Variants in SNTG1 observed in about 807,000 individuals in gnomAD.
SNTG1 encodes the protein syntrophin gamma 1.
Under a neutral mutation model 74.7 loss-of-function variants are expected in SNTG1, and 39 were observed. The ratio of observed to expected loss-of-function variants is 0.52; its 90% confidence interval spans 0.40 to 0.68. The LOEUF is 0.68. SNTG1 is among the 30% of genes least tolerant of loss of function. The pLI is 0.00. For synonymous variants in SNTG1, 254 were observed against 217.1 expected, an observed-to-expected ratio of 1.17 and a Z score of -1.49; for missense variants, 685 against 609.5, an observed-to-expected ratio of 1.12 and a Z score of -1.30.
At chr8:50,295,120 A>C (rs1192785003) in intron 2 of SNTG1, among the ~76,000 whole-genome samples, 1 of 152,230 alleles carries the variant, frequency 6.6e-6, no homozygotes, top group Non-Finnish European at 1.5e-5. Context: ...CCTCCAAGAC[A>C]TTTTGCAAAT....
chr8:50,333,489 T>C (rs1225015078), intron 2 of SNTG1, among the ~76,000 whole-genome samples: 1 of 152,262 alleles, frequency 6.6e-6, no homozygotes, highest in Admixed American at 6.5e-5. Context: ...ATGTTTATAA[T>C]ACTTCAGCTT....
intron 4 of SNTG1, among the ~76,000 whole-genome samples, chr8:50,419,658 C>CT (rs1300883100): frequency 6.6e-6 from 1 of 152,106 alleles, no homozygotes; most frequent in Non-Finnish European, 1.5e-5. Flanking sequence ...TCCCACCTAT[C>CT]ACCAGCAGAA....
At chr8:50,756,112 A>T (rs2095579751) in intron 18 of SNTG1, among the ~76,000 whole-genome samples, 1 of 143,014 alleles carries the variant, frequency 7.0e-6, no homozygotes, top group South Asian at 2.4e-4. Flanking sequence ...TTGTTTTGAT[A>T]TCATTGAGTT....
At chr8:50,260,134 C>G (rs556025466) in intron 2 of SNTG1, among the ~76,000 whole-genome samples, 1 of 152,200 alleles carries the variant, frequency 6.6e-6, no homozygotes, top group African/African-American at 2.4e-5. Flanking sequence ...CCCTCAAAAC[C>G]AAATAGTTTA....
chr8:50,430,700 AC>A (rs1194862576), intron 4 of SNTG1, among the ~76,000 whole-genome samples: 3 of 152,184 alleles, frequency 2.0e-5, no homozygotes, highest in Non-Finnish European at 4.4e-5. Context: ...CTGCACTGTT[AC>A]TCCTCAGATC....
At chr8:50,615,176 G>T (rs1010299439) in intron 13 of SNTG1, among the ~76,000 whole-genome samples, 2 of 151,952 alleles carry the variant, frequency 1.3e-5, no homozygotes, top group African/African-American at 4.8e-5. Flanking sequence ...TAGCCAGGAT[G>T]GTCTCGATCT....
chr8:49,922,851 A>G (rs1806678496), intron 1 of SNTG1, among the ~76,000 whole-genome samples: 1 of 152,174 alleles, frequency 6.6e-6, no homozygotes, highest in South Asian at 2.1e-4. Flanking sequence ...TGTCAACTAA[A>G]AAAATCAATG....
rs866733052 is a variant in SNTG1 at position 50,441,461 on chromosome 8, T to C, written c.219+2862T>C. On this transcript the variant is annotated intron_variant, in intron 5 of 18. Transcript: ENST00000642720. Reference sequence around the variant, plus strand: ...TCTAGGACTTTAACTCTTCCCTTGATGTACTAATGCTAGATATGATGCAGA... The same window carrying C: ...TCTAGGACTTTAACTCTTCCCTTGACGTACTAATGCTAGATATGATGCAGA... Among the ~76,000 whole-genome samples the C allele has an allele frequency of 3.3e-5, 5 of 152,160 alleles. No homozygotes were observed. In the South Asian group the frequency reaches 1.0e-3, roughly 32 times the overall value.
intron 1 of SNTG1, among the ~76,000 whole-genome samples, chr8:49,982,654 G>GTA (rs550170608): frequency 0.013 from 1,886 of 149,624 alleles, 43 homozygotes; most frequent in African/African-American, 0.044. Context: ...GTGTGTGTGT[G>GTA]TGTGTAATTA....
At chr8:50,578,431 GAGA>G (rs1164269712) in intron 12 of SNTG1, among the ~76,000 whole-genome samples, 15 of 152,284 alleles carry the variant, frequency 9.9e-5, no homozygotes, top group South Asian at 2.1e-4. Context: ...GAAAGAGAGA[GAGA>G]GAGACAGCAA....
intron 11 of SNTG1, 57 bp downstream of exon 11, chr8:50,536,865 G>A (rs566136388): frequency 1.3e-6 from 2 of 1,598,166 alleles, no homozygotes; most frequent in African/African-American, 2.7e-5. Flanking sequence ...AGACCTTTTA[G>A]AAAACCTTTT....
At chr8:50,507,856 C>A (rs1197195060) in intron 9 of SNTG1, among the ~76,000 whole-genome samples, 2 of 149,808 alleles carry the variant, frequency 1.3e-5, no homozygotes, top group Admixed American at 1.3e-4. Context: ...CCAAACAAGC[C>A]CTGGTGTGTG....
chr8:50,065,985 G>A (rs1004505864), intron 1 of SNTG1, among the ~76,000 whole-genome samples: 2 of 152,128 alleles, frequency 1.3e-5, no homozygotes. Flanking sequence ...GGGAGGCCGA[G>A]GCAGGCGGAT....
intron 17 of SNTG1, among the ~76,000 whole-genome samples, chr8:50,719,992 GAAAT>G (rs1288407077): frequency 6.6e-6 from 1 of 152,118 alleles, no homozygotes; most frequent in Non-Finnish European, 1.5e-5. Context: ...AAATTTAGAT[GAAAT>G]ACATTTGAGG....
intron 1 of SNTG1, among the ~76,000 whole-genome samples, chr8:50,126,748 C>G (rs2081153254): frequency 2.0e-5 from 3 of 151,942 alleles, no homozygotes; most frequent in Admixed American, 2.0e-4. Context: ...ACTTCTGGAA[C>G]AGGTGACAAT....
chr8:50,027,406 C>G (rs1208903704), intron 1 of SNTG1, among the ~76,000 whole-genome samples: 1 of 152,184 alleles, frequency 6.6e-6, no homozygotes, highest in African/African-American at 2.4e-5. Context: ...CCAAAAATCT[C>G]TGTCTACCCA....
At chr8:50,141,973 A>G (rs988004942) in intron 1 of SNTG1, among the ~76,000 whole-genome samples, 2 of 152,124 alleles carry the variant, frequency 1.3e-5, no homozygotes, top group African/African-American at 4.8e-5. Flanking sequence ...TCACACATAG[A>G]TACAAATTAT....
At chr8:50,200,273 C>T (rs556630493) in intron 2 of SNTG1, among the ~76,000 whole-genome samples, 1 of 152,252 alleles carries the variant, frequency 6.6e-6, no homozygotes, top group South Asian at 2.1e-4. Flanking sequence ...TGAGCAAGTG[C>T]TGGAAGTGGA....
At chr8:50,392,136 G>A (rs2092670833) in intron 2 of SNTG1, among the ~76,000 whole-genome samples, 1 of 152,110 alleles carries the variant, frequency 6.6e-6, no homozygotes, top group Non-Finnish European at 1.5e-5. Context: ...TATCAGCAAT[G>A]GTTCATTAAC....
Sources: allele counts gnomAD v4.1 joint callset (sites outside exome capture counted in the v4.1 genomes callset), GRCh38; gene constraint gnomAD v4.1.1; transcripts MANE v1.5; gene names NCBI Gene and HGNC (gene_info 2026-07-23, HGNC 2026-07-21).